CDK8: variants seen among roughly 807,000 people sequenced by gnomAD.
CDK8 encodes cyclin-dependent kinase 8.
CDK8 carries 29 observed loss-of-function variants against 71.5 expected under a neutral mutation model. That is an observed-to-expected ratio of 0.41 (90% CI 0.30 to 0.55). CDK8 has a LOEUF of 0.55. CDK8 is among the 20% of genes least tolerant of loss of function. CDK8 has a pLI of 0.37. For synonymous variants in CDK8, 161 were observed against 192.1 expected (o/e 0.84, Z 1.34); for missense variants, 288 against 572.6 (o/e 0.50, Z 5.07).
At chr13:26,266,926 AAGT>A (rs1195323623) in intron 1 of CDK8, among the ~76,000 whole-genome samples, 1 of 152,192 alleles carries the variant, frequency 6.6e-6, no homozygotes, top group Non-Finnish European at 1.5e-5. Flanking sequence ...TGATGAATTC[AAGT>A]AGTCCAGAAA....
At chr13:26,369,298 A>T (rs1011645800) in intron 4 of CDK8, among the ~76,000 whole-genome samples, 5 of 151,070 alleles carry the variant, frequency 3.3e-5, no homozygotes, top group Admixed American at 6.6e-5. Flanking sequence ...AAAAATGCAG[A>T]AATTCGCCAG....
intron 1 of CDK8, among the ~76,000 whole-genome samples, chr13:26,259,150 G>A (rs1871658354): frequency 6.6e-6 from 1 of 152,096 alleles, no homozygotes; most frequent in Non-Finnish European, 1.5e-5. Flanking sequence ...AATACAATAT[G>A]TAATTTCTAT....
chr13:26,285,899 AAAT>A (rs1165762413), intron 1 of CDK8, among the ~76,000 whole-genome samples: 1 of 125,200 alleles, frequency 8.0e-6, no homozygotes, highest in Non-Finnish European at 1.5e-5. Context: ...CAGCTGCAAT[AAAT>A]AAATAAACAA....
intron 1 of CDK8, among the ~76,000 whole-genome samples, chr13:26,314,731 C>G (rs1342446302): frequency 2.6e-5 from 4 of 152,146 alleles, no homozygotes; most frequent in African/African-American, 9.7e-5. Context: ...GCTTTGTAGT[C>G]TTAAAAATAT....
At chr13:26,255,643 G>A (rs558845703) in intron 1 of CDK8, among the ~76,000 whole-genome samples, 1 of 152,202 alleles carries the variant, frequency 6.6e-6, no homozygotes, top group East Asian at 1.9e-4. Flanking sequence ...TTAGTTGGGG[G>A]GAAAATATAT....
chr13:26,267,810 C>G (rs1006094560), intron 1 of CDK8, among the ~76,000 whole-genome samples: 3 of 152,152 alleles, frequency 2.0e-5, no homozygotes, highest in African/African-American at 7.2e-5. Flanking sequence ...GGTAGAACTT[C>G]CCAGGCTCCC....
chr13:26,353,252 C>T (rs7332056), intron 3 of CDK8, among the ~76,000 whole-genome samples: 2 of 152,038 alleles, frequency 1.3e-5, no homozygotes, highest in Non-Finnish European at 2.9e-5. Context: ...TTACATTTTT[C>T]CATTGTGAAC....
intron 1 of CDK8, among the ~76,000 whole-genome samples, chr13:26,256,746 G>A (rs1052222007): frequency 4.6e-5 from 7 of 152,308 alleles, no homozygotes; most frequent in Non-Finnish European, 1.0e-4. Flanking sequence ...ATCTGTGACA[G>A]CTGAAAAGTA....
intron 2 of CDK8, among the ~76,000 whole-genome samples, chr13:26,344,602 C>CA (rs1430678574): frequency 6.6e-6 from 1 of 151,992 alleles, no homozygotes; most frequent in Non-Finnish European, 1.5e-5. Context: ...TTGTCTCTAC[C>CA]AAAAAAATAC....
intron 1 of CDK8, among the ~76,000 whole-genome samples, chr13:26,298,519 AGAAAGGTT>A (rs1873669410): frequency 1.3e-5 from 2 of 152,240 alleles, no homozygotes; most frequent in South Asian, 4.2e-4. Flanking sequence ...TGCCCCTCAA[AGAAAGGTT>A]GAAATTCCTC....
intron 4 of CDK8, among the ~76,000 whole-genome samples, chr13:26,369,553 C>CAG (rs1874559450): frequency 1.1e-5 from 1 of 92,882 alleles, no homozygotes; most frequent in Non-Finnish European, 2.0e-5. Context: ...TTTTTTGAGA[C>CAG]AGTCTCGCTC....
chr13:26,286,399 A>T lies in CDK8; in HGVS notation c.128+31630A>T, dbSNP rs1362052662. On this transcript the variant is annotated intron_variant, in intron 1 of 12. Transcript: ENST00000381527. The stretch of plus-strand genomic sequence containing the variant: ...CTGATCTTTGACAAAGCAAACAAAA[A>T]CATTAAATGGGGAAAGGACATCCCA... Among the ~76,000 whole-genome samples the T allele has an allele frequency of 2.6e-5, 4 of 152,204 alleles. No homozygotes were observed. The East Asian group carries it at 7.7e-4, about 29-fold the overall frequency.
At chr13:26,287,250 T>A (rs1382818587) in intron 1 of CDK8, among the ~76,000 whole-genome samples, 1 of 152,138 alleles carries the variant, frequency 6.6e-6, no homozygotes, top group Admixed American at 6.5e-5. Flanking sequence ...TAAATGCCCA[T>A]CAACAAACAA....
intron 1 of CDK8, among the ~76,000 whole-genome samples, chr13:26,274,747 T>C (rs1430170948): frequency 1.3e-5 from 2 of 152,102 alleles, no homozygotes; most frequent in African/African-American, 2.4e-5. Flanking sequence ...TTCTTAAATA[T>C]TTCTTTTTGT....
At chr13:26,369,709 C>CTTTTTTTTTTTTTTT (rs36116401) in intron 4 of CDK8, among the ~76,000 whole-genome samples, 2 of 95,384 alleles carry the variant, frequency 2.1e-5, no homozygotes, top group Non-Finnish European at 4.0e-5. Flanking sequence ...TTCTTTCTTT[C>CTTTTTTTTTTTTTTT]TTTTTTTTTT....
intron 1 of CDK8, among the ~76,000 whole-genome samples, chr13:26,300,478 A>AG (rs1873774876): frequency 6.6e-6 from 1 of 152,166 alleles, no homozygotes; most frequent in South Asian, 2.1e-4. Context: ...TTTCAGACTG[A>AG]GGTTGACCAT....
intron 1 of CDK8, among the ~76,000 whole-genome samples, chr13:26,267,026 T>A (rs1400684480): frequency 6.6e-6 from 1 of 152,244 alleles, no homozygotes; most frequent in African/African-American, 2.4e-5. Context: ...ATGTATACAT[T>A]AATAACATCT....
intron 4 of CDK8, among the ~76,000 whole-genome samples, chr13:26,359,968 G>A (rs185982255): frequency 6.6e-6 from 1 of 152,020 alleles, no homozygotes; most frequent in African/African-American, 2.4e-5. Flanking sequence ...TGCCCACCTC[G>A]ACCTCCCAAA....
chr13:26,369,878 A>G (rs893632034), intron 4 of CDK8, among the ~76,000 whole-genome samples: 4 of 151,984 alleles, frequency 2.6e-5, no homozygotes, highest in African/African-American at 9.7e-5. Context: ...TTTGACTATC[A>G]TTTCAATTTC....
Sources: allele counts gnomAD v4.1 joint callset (sites outside exome capture counted in the v4.1 genomes callset), GRCh38; gene constraint gnomAD v4.1.1; transcripts MANE v1.5; gene names NCBI Gene and HGNC (gene_info 2026-07-23, HGNC 2026-07-21).